ACTN2: variants seen among roughly 807,000 people sequenced by gnomAD.
ACTN2 encodes alpha-actinin-2.
ACTN2 carries 39 observed loss-of-function variants against 113.8 expected under a neutral mutation model. The ratio of observed to expected loss-of-function variants is 0.34; its 90% CI spans 0.27 to 0.45. The LOEUF (loss-of-function observed/expected upper bound fraction) is 0.45. Among genes scored for constraint, ACTN2 ranks in the 20% least tolerant of loss-of-function variants. ACTN2 has a pLI of 1.00. For synonymous variants in ACTN2, 429 were observed against 444.1 expected, an observed-to-expected ratio of 0.97 and a Z score of 0.43; for missense variants, 992 against 1,177.9, an observed-to-expected ratio of 0.84 and a Z score of 2.31.
intron 6 of ACTN2, 104 bp from the exon 7 acceptor site, chr1:236,731,129 G>T: frequency 2.5e-6 from 2 of 796,566 alleles, no homozygotes; most frequent in Admixed American, 3.6e-5. Flanking sequence ...ATTGTGTGTG[G>T]GTGGGAAGGT....
Position 236,745,690 on chromosome 1 carries a change from C to T in ACTN2, c.1406+914C>T, listed in dbSNP as rs185679386. On this transcript the variant is annotated intron_variant, in intron 12 of 20. Coordinates refer to ENST00000366578, the MANE Select transcript of ACTN2 (RefSeq NM_001103.4). ...CCCTCAGGGAGAAGAGCCTCCATGC[C>T]GTGTTTCTGAGCTTTCTTCAGGTCC... is the stretch of plus-strand genomic sequence containing the variant. 3.0e-4 allele frequency among the ~76,000 whole-genome samples: 46 copies of T among 152,210 alleles called. 1 individual carries two copies. Among genetic ancestry groups the T allele is most frequent in the Non-Finnish European group, 5.6e-4 (38 of 68,002 alleles).
chr1:236,688,296 G>A (rs1665946530), intron 1 of ACTN2, among the ~76,000 whole-genome samples: 1 of 151,278 alleles, frequency 6.6e-6, no homozygotes, highest in Non-Finnish European at 1.5e-5. Context: ...ATGAGGAATT[G>A]TAAAATAGCT....
Position 236,727,709 on chromosome 1 carries a change from A to G in ACTN2, c.568A>G (p.Ile190Val). ...AGATGGCCTTGGACTCTGTGCCCTC[A>G]TCCACCGACACCGGCCTGACCTCAT... Reference protein sequence around the residue: ...WKDGLGLCALIHRHRPDLIDY... With the variant: ...WKDGLGLCALVHRHRPDLIDY... The change falls in exon 6 of 21, where the codon ATC becomes GTC. Residue 190 changes from isoleucine (I) to valine (V), a missense_variant. Ile to Val is a conservative substitution (Grantham distance 29). This residue lies in a region of ACTN2 where 220 missense variants were observed against 337.5 expected (regional missense o/e 0.65). Transcript: ENST00000366578. The G allele has an allele frequency of 6.2e-7, 1 of 1,614,080 alleles. No individual in the cohort carries two copies.
chr1:236,716,240 T>G (rs1658207648), intron 1 of ACTN2, among the ~76,000 whole-genome samples: 1 of 152,148 alleles, frequency 6.6e-6, no homozygotes, highest in Non-Finnish European at 1.5e-5. Flanking sequence ...GTAGTCTGAC[T>G]TAGAAGCAGC....
intron 1 of ACTN2, among the ~76,000 whole-genome samples, chr1:236,693,083 G>T (rs919900449): frequency 1.3e-5 from 2 of 152,030 alleles, no homozygotes; most frequent in African/African-American, 4.8e-5. Context: ...TACTATGCTA[G>T]ACAAATTTCA....
intron 5 of ACTN2, 69 bp from the exon 6 acceptor site, chr1:236,727,609 G>C (rs1013861116): frequency 6.6e-7 from 1 of 1,507,762 alleles, no homozygotes; most frequent in African/African-American, 1.4e-5. Flanking sequence ...ACATCTGACT[G>C]AGTGCAGATG....
chr1:236,692,662 G>A (rs897272434), intron 1 of ACTN2, among the ~76,000 whole-genome samples: 7 of 152,182 alleles, frequency 4.6e-5, no homozygotes, highest in Admixed American at 3.3e-4. Context: ...AATCACAGGT[G>A]CAGGAGTTCT....
At position 236,744,844 on chromosome 1, in the gene ACTN2, T is replaced by C. The variant is rs78539646; in HGVS notation, c.1406+68T>C. 0.013 allele frequency: 21,279 copies of C among 1,605,734 alleles called. 263 individuals are homozygous for C. The highest frequency in any genetic ancestry group is 0.053 in the African/African-American group (3,960 of 74,842). On this transcript the variant is annotated intron_variant, in intron 12 of 20. Transcript: ENST00000366578. ...TCCACAGAGAGGGGAGAGAAAGGCCTGCCTTGCCTTTCCTGACTAAACGCA... is the reference window on the plus strand; with the variant it reads ...TCCACAGAGAGGGGAGAGAAAGGCCCGCCTTGCCTTTCCTGACTAAACGCA...
At chr1:236,727,069 T>C (rs1658572661) in intron 5 of ACTN2, among the ~76,000 whole-genome samples, 1 of 152,202 alleles carries the variant, frequency 6.6e-6, no homozygotes, top group Non-Finnish European at 1.5e-5. Context: ...GGCCTGCCCT[T>C]GTCTATGGGG....
At chr1:236,732,869 G>A (rs78162077) in intron 7 of ACTN2, among the ~76,000 whole-genome samples, 8,151 of 152,236 alleles carry the variant, frequency 0.054, 314 homozygotes, top group Non-Finnish European at 0.079. Context: ...ACATTCACAG[G>A]AGTGCTGGAA....
At chr1:236,760,989 C>A (rs1659686981) in intron 19 of ACTN2, 26 bp from the exon 20 acceptor site, 1 of 1,614,136 alleles carries the variant, frequency 6.2e-7, no homozygotes, top group Non-Finnish European at 8.5e-7. Context: ...CGTTCGTGTA[C>A]ATGTTTCTTT....
At chr1:236,724,297 A>G (rs1474467968) in intron 4 of ACTN2, among the ~76,000 whole-genome samples, 2 of 152,024 alleles carry the variant, frequency 1.3e-5, no homozygotes, top group South Asian at 2.1e-4. Context: ...CACCCTAAGC[A>G]CCTCCTAAAG....
chr1:236,749,003 C>T, intron 13 of ACTN2, 121 bp from the exon 14 acceptor site: 1 of 1,138,450 alleles, frequency 8.8e-7, no homozygotes. Flanking sequence ...CTTTTGTAGA[C>T]ACATGCTAAT....
intron 1 of ACTN2, among the ~76,000 whole-genome samples, chr1:236,709,727 G>A (rs1322680253): frequency 6.6e-6 from 1 of 152,116 alleles, no homozygotes; most frequent in Non-Finnish European, 1.5e-5. Flanking sequence ...CTTATAATTG[G>A]TAGGTTTAAA....
chr1:236,692,219 A>T (rs1240912488), intron 1 of ACTN2, among the ~76,000 whole-genome samples: 2 of 152,224 alleles, frequency 1.3e-5, no homozygotes, highest in Non-Finnish European at 2.9e-5. Context: ...GGATTATACG[A>T]AGTATTAAAT....
At chr1:236,726,747 TCTAC>T (rs1658560490) in intron 5 of ACTN2, among the ~76,000 whole-genome samples, 1 of 152,192 alleles carries the variant, frequency 6.6e-6, no homozygotes. Flanking sequence ...TTTCAGAATG[TCTAC>T]CAAGTGTCAG....
intron 7 of ACTN2, among the ~76,000 whole-genome samples, chr1:236,733,065 A>G (rs867423459): frequency 5.7e-4 from 87 of 152,366 alleles, no homozygotes; most frequent in African/African-American, 2.0e-3. Context: ...TTAGAGGGAC[A>G]AAGTCTATAA....
chr1:236,756,932 T>C lies in ACTN2; in HGVS notation c.2155-554T>C, dbSNP rs376339059. ...TATACTGCAGAGTGCCCGCTGCCACTGTTAGAACCCTGGTAATAGAGTATA... is the reference window on the plus strand; with the variant it reads ...TATACTGCAGAGTGCCCGCTGCCACCGTTAGAACCCTGGTAATAGAGTATA... On this transcript the variant is annotated intron_variant, in intron 17 of 20. Transcript: ENST00000366578. Among the ~76,000 whole-genome samples the C allele has an allele frequency of 7.6e-4, 12 of 15,742 alleles. 1 individual carries two copies. The highest frequency in any genetic ancestry group is 1.4e-3 in the Admixed American group (2 of 1,438). 10.3% of individuals were successfully genotyped at this position (15,742 alleles called of 152,430 possible). A position where few individuals can be genotyped will look rare whatever the true frequency, so the allele number is the denominator to read the frequency against.
At chr1:236,745,533 A>C (rs1274201257) in intron 12 of ACTN2, among the ~76,000 whole-genome samples, 1 of 152,214 alleles carries the variant, frequency 6.6e-6, no homozygotes, top group East Asian at 1.9e-4. Flanking sequence ...TCATCCCCTA[A>C]GTGCTGTTTC....
Sources: allele counts gnomAD v4.1 joint callset (sites outside exome capture counted in the v4.1 genomes callset), GRCh38; gene constraint gnomAD v4.1.1; regional missense constraint gnomAD v4.1.1; transcripts MANE v1.5; gene names NCBI Gene and HGNC (gene_info 2026-07-23, HGNC 2026-07-21).